Variants in RABGAP1L observed in about 807,000 individuals in gnomAD.
RABGAP1L encodes the protein RAB GTPase activating protein 1 like.
Under a neutral mutation model 137.7 loss-of-function variants are expected in RABGAP1L, and 63 were observed. The observed-to-expected ratio is 0.46, with a 90% confidence interval of 0.37 to 0.56. RABGAP1L has a LOEUF of 0.56. RABGAP1L is among the 20% of genes least tolerant of loss of function. The pLI, the probability that RABGAP1L is intolerant of heterozygous loss-of-function variation, is 0.00. For synonymous variants in RABGAP1L, 431 were observed against 433.7 expected, an observed-to-expected ratio of 0.99 and a Z score of 0.08; for missense variants, 1,095 against 1,244.0, an observed-to-expected ratio of 0.88 and a Z score of 1.80.
At chr1:174,417,359 A>G (rs1448179342) in intron 13 of RABGAP1L, among the ~76,000 whole-genome samples, 1 of 152,222 alleles carries the variant, frequency 6.6e-6, no homozygotes, top group Admixed American at 6.5e-5. Flanking sequence ...ATGATGCTGC[A>G]TTACAGTCTA....
intron 15 of RABGAP1L, among the ~76,000 whole-genome samples, chr1:174,693,711 A>G (rs376418085): frequency 2.6e-5 from 4 of 152,340 alleles, no homozygotes; most frequent in South Asian, 4.1e-4. Flanking sequence ...GGCAAATACA[A>G]TAGATACAGT....
intron 3 of RABGAP1L, among the ~76,000 whole-genome samples, chr1:174,225,892 A>G (rs1462422794): frequency 6.6e-6 from 1 of 152,118 alleles, no homozygotes; most frequent in East Asian, 1.9e-4. Context: ...TTTGGGTTAT[A>G]GGGGCCTCTT....
intron 14 of RABGAP1L, among the ~76,000 whole-genome samples, chr1:174,650,477 A>G (rs1171983598): frequency 5.3e-5 from 8 of 151,406 alleles, no homozygotes; most frequent in South Asian, 2.1e-4. Context: ...ACTCTTTTTG[A>G]TTGGTAAGCT....
At chr1:174,417,634 C>T (rs1007071644) in intron 13 of RABGAP1L, among the ~76,000 whole-genome samples, 6 of 152,126 alleles carry the variant, frequency 3.9e-5, no homozygotes, top group Non-Finnish European at 1.5e-5. Flanking sequence ...TTGTTTTAAA[C>T]TTTGGGTATA....
chr1:174,806,942 C>T (rs1432544199), intron 18 of RABGAP1L, among the ~76,000 whole-genome samples: 3 of 152,038 alleles, frequency 2.0e-5, no homozygotes, highest in Non-Finnish European at 4.4e-5. Context: ...TGTGCCACTA[C>T]GCCCGGCTAA....
intron 13 of RABGAP1L, among the ~76,000 whole-genome samples, chr1:174,560,465 TA>T (rs780022165): frequency 2.9e-4 from 44 of 152,204 alleles, no homozygotes; most frequent in Non-Finnish European, 5.4e-4. Flanking sequence ...AAGCTGAGAA[TA>T]GGGGCAGGGG....
intron 11 of RABGAP1L, among the ~76,000 whole-genome samples, 198 bp from the exon 12 acceptor site, chr1:174,370,781 A>G (rs760996243): frequency 1.4e-4 from 21 of 151,940 alleles, no homozygotes; most frequent in Non-Finnish European, 2.8e-4. Flanking sequence ...TGAGATTTTC[A>G]TAAAAGTTTG....
At chr1:174,417,180 TCCCA>T (rs1650698598) in intron 13 of RABGAP1L, among the ~76,000 whole-genome samples, 1 of 152,156 alleles carries the variant, frequency 6.6e-6, no homozygotes, top group African/African-American at 2.4e-5. Flanking sequence ...CTTATATCCT[TCCCA>T]CCCTTCTGTC....
chr1:174,404,040 T>C (rs1457034451), intron 13 of RABGAP1L, among the ~76,000 whole-genome samples: 1 of 152,166 alleles, frequency 6.6e-6, no homozygotes, highest in Non-Finnish European at 1.5e-5. Flanking sequence ...TGATCAACTT[T>C]TATGGGCTAG....
intron 17 of RABGAP1L, among the ~76,000 whole-genome samples, chr1:174,706,876 T>G (rs780528480): frequency 1.3e-5 from 2 of 152,220 alleles, no homozygotes; most frequent in Non-Finnish European, 2.9e-5. Context: ...GTCATCATTA[T>G]GTTTGTGAGA....
At chr1:174,597,690 T>G (rs1427576612) in intron 13 of RABGAP1L, among the ~76,000 whole-genome samples, 1 of 152,164 alleles carries the variant, frequency 6.6e-6, no homozygotes, top group Non-Finnish European at 1.5e-5. Context: ...AACCTTTTGT[T>G]AATCTTGTGT....
At chr1:174,333,248 G>C (rs73038639) in intron 11 of RABGAP1L, among the ~76,000 whole-genome samples, 2,499 of 152,200 alleles carry the variant, frequency 0.016, 69 homozygotes, top group African/African-American at 0.057. Context: ...CTGCTACTCC[G>C]TTTTACAGTG....
chr1:174,961,845 C>CAAAAAAA (rs61233451), intron 20 of RABGAP1L, among the ~76,000 whole-genome samples: 1 of 88,742 alleles, frequency 1.1e-5, no homozygotes, highest in Non-Finnish European at 2.3e-5. Flanking sequence ...GACTCTGTCT[C>CAAAAAAA]AAAAAAAAAA....
At chr1:174,735,807 T>C (rs1682895612) in intron 17 of RABGAP1L, among the ~76,000 whole-genome samples, 1 of 151,828 alleles carries the variant, frequency 6.6e-6, no homozygotes, top group Non-Finnish European at 1.5e-5. Flanking sequence ...GGCAAGGGAA[T>C]GGGGAGATAC....
At chr1:174,664,729 G>GTTTTTTTTTT (rs1557964009) in intron 14 of RABGAP1L, among the ~76,000 whole-genome samples, 1 of 85,598 alleles carries the variant, frequency 1.2e-5, no homozygotes, top group African/African-American at 5.9e-5. Context: ...CTTTCTTTCT[G>GTTTTTTTTTT]CTTTCTTTTT....
At chr1:174,636,169 A>G (rs1674010998) in intron 13 of RABGAP1L, among the ~76,000 whole-genome samples, 1 of 152,212 alleles carries the variant, frequency 6.6e-6, no homozygotes, top group South Asian at 2.1e-4. Context: ...TTATAAGGCT[A>G]GAATTTCACT....
At chr1:174,956,029 G>A (rs1253657486) in intron 19 of RABGAP1L, among the ~76,000 whole-genome samples, 7 of 152,140 alleles carry the variant, frequency 4.6e-5, no homozygotes, top group African/African-American at 7.2e-5. Context: ...GTTCTAATAC[G>A]TTAATTTTGA....
chr1:174,549,858 G>C (rs537651199), intron 13 of RABGAP1L, among the ~76,000 whole-genome samples: 1 of 152,084 alleles, frequency 6.6e-6, no homozygotes, highest in African/African-American at 2.4e-5. Context: ...CCAAGGTTTT[G>C]GAAATAATCT....
At chr1:174,511,031 AC>A (rs762306974) in intron 13 of RABGAP1L, among the ~76,000 whole-genome samples, 2 of 152,228 alleles carry the variant, frequency 1.3e-5, no homozygotes, top group Non-Finnish European at 2.9e-5. Context: ...AGTTTTAACT[AC>A]TAGTTATGTT....
Sources: allele counts gnomAD v4.1 joint callset (sites outside exome capture counted in the v4.1 genomes callset), GRCh38; gene constraint gnomAD v4.1.1; transcripts MANE v1.5; gene names NCBI Gene and HGNC (gene_info 2026-07-23, HGNC 2026-07-21).